BACE2: variants seen among roughly 807,000 people sequenced by gnomAD.
BACE2 encodes the protein beta-secretase 2.
Under a neutral mutation model 46.2 loss-of-function variants are expected in BACE2, and 17 were observed. The observed-to-expected ratio is 0.37, with a 90% confidence interval of 0.25 to 0.55. The LOEUF is 0.55. BACE2 is among the 20% of genes least tolerant of loss of function. The pLI is 0.82. For missense variants in BACE2, 595 were observed against 698.1 expected, an observed-to-expected ratio of 0.85 and a Z score of 1.66; for synonymous variants, 277 against 295.9, an observed-to-expected ratio of 0.94 and a Z score of 0.66.
chr21:41,233,632 G>T (rs1302020018), intron 2 of BACE2, among the ~76,000 whole-genome samples: 2 of 152,226 alleles, frequency 1.3e-5, no homozygotes, highest in African/African-American at 2.4e-5. Context: ...TCAAAAGGAA[G>T]TCATAGCATT....
chr21:41,240,941 G>A (rs1987269518), intron 3 of BACE2, among the ~76,000 whole-genome samples: 1 of 152,190 alleles, frequency 6.6e-6, no homozygotes. Flanking sequence ...GCACCCAGGG[G>A]ATGCCTATAG....
intron 1 of BACE2, among the ~76,000 whole-genome samples, chr21:41,206,988 A>G (rs201733492): frequency 1.3e-5 from 2 of 152,350 alleles, no homozygotes; most frequent in South Asian, 2.1e-4. Flanking sequence ...GGTAAAGTTA[A>G]CGATGTTCTT....
intron 1 of BACE2, among the ~76,000 whole-genome samples, chr21:41,206,237 G>C (rs372308878): frequency 7.9e-5 from 12 of 152,210 alleles, no homozygotes; most frequent in African/African-American, 2.9e-4. Flanking sequence ...CAGACTGCCT[G>C]CTCTTCATTG....
chr21:41,250,507 A>C (rs1214943245), intron 6 of BACE2, among the ~76,000 whole-genome samples: 1 of 152,242 alleles, frequency 6.6e-6, no homozygotes, highest in Non-Finnish European at 1.5e-5. Flanking sequence ...TTATTGCTGC[A>C]AAGGGCTTAT....
rs375195118 is a variant in BACE2, at chr21:41,245,933, G to C, written c.883-29G>C. 9 of 1,561,176 alleles carry C rather than the reference G, an allele frequency of 5.8e-6. No homozygotes were observed. In the East Asian group the frequency reaches 2.1e-4, roughly 36 times the overall value. On this transcript the variant is annotated intron_variant, in intron 5 of 8. Coordinates refer to ENST00000330333, the MANE Select transcript of BACE2 (RefSeq NM_012105.5). ...GGCGGGGAGCGCCACTGTCACTCAC[G>C]CACCTTTCCCTTTCTCTCCCGGTTC...
chr21:41,252,156 C>T (rs998284506), intron 7 of BACE2, among the ~76,000 whole-genome samples: 1 of 152,180 alleles, frequency 6.6e-6, no homozygotes, highest in Non-Finnish European at 1.5e-5. Flanking sequence ...GTAAGCAGTG[C>T]GTCCCCATGA....
At chr21:41,272,702 A>G (rs1419298902) in intron 8 of BACE2, among the ~76,000 whole-genome samples, 2 of 152,164 alleles carry the variant, frequency 1.3e-5, no homozygotes, top group Non-Finnish European at 2.9e-5. Context: ...CATCCTGAGT[A>G]GAATACAGTT....
chr21:41,275,498 C>A lies in BACE2; in HGVS notation c.1431C>A (p.Ser477Arg). ...ILWIVSYALM[S>R]VCGAILLVLI... ...GGATTGTGTCCTATGCGCTCATGAGCGTCTGTGGAGCCATCCTCCTTGTCT... is the reference window on the plus strand; with the variant it reads ...GGATTGTGTCCTATGCGCTCATGAGAGTCTGTGGAGCCATCCTCCTTGTCT... The change falls in exon 9 of 9, where the codon AGC becomes AGA. Residue 477 changes from serine (S) to arginine (R), a missense_variant. Physicochemically the swap from Ser to Arg is moderately radical, Grantham distance 110. This residue lies in a region of BACE2 where 343 missense variants were observed against 419.4 expected (regional missense o/e 0.82). Coordinates refer to ENST00000330333, the MANE Select transcript of BACE2 (RefSeq NM_012105.5). 1 of 1,614,072 alleles carries A rather than the reference C, an allele frequency of 6.2e-7. No individual in the cohort carries two copies. The highest frequency in any genetic ancestry group is 8.5e-7 in the Non-Finnish European group (1 of 1,180,006).
In BACE2 at chr21:41,275,374, T is replaced by C. The variant is rs1300069649; in HGVS notation, c.1307T>C (p.Ile436Thr). Residue 436 changes from isoleucine (I) to threonine (T), a missense_variant, in exon 9 of 9, where the codon ATT (isoleucine) becomes ACT (threonine). Ile to Thr is a moderately conservative substitution (Grantham distance 89). Coordinates refer to ENST00000330333, the MANE Select transcript of BACE2 (RefSeq NM_012105.5). ...VGFAASPCAE[I>T]AGAAVSEISG... ...TTTTCCCTTTCTGTCTCCCCAGAAATTGCAGGTGCTGCAGTGTCTGAAATT... is the reference window on the plus strand; with the variant it reads ...TTTTCCCTTTCTGTCTCCCCAGAAACTGCAGGTGCTGCAGTGTCTGAAATT... 4 of 1,614,092 alleles carry C rather than the reference T, an allele frequency of 2.5e-6. No homozygotes were observed. Among genetic ancestry groups the C allele is most frequent in the Non-Finnish European group, 1.7e-6 (2 of 1,180,006 alleles).
At chr21:41,239,778 G>T (rs1338075893) in intron 3 of BACE2, among the ~76,000 whole-genome samples, 2 of 152,208 alleles carry the variant, frequency 1.3e-5, no homozygotes, top group African/African-American at 2.4e-5. Context: ...GCCAGGGCTG[G>T]CTCATGAACC....
At chr21:41,217,420 T>C (rs1290743377) in intron 1 of BACE2, among the ~76,000 whole-genome samples, 1 of 152,204 alleles carries the variant, frequency 6.6e-6, no homozygotes, top group Non-Finnish European at 1.5e-5. Context: ...CTGTCTCTCC[T>C]TTACCTCTTT....
intron 1 of BACE2, among the ~76,000 whole-genome samples, chr21:41,190,755 C>T (rs1018752994): frequency 6.6e-6 from 1 of 152,094 alleles, no homozygotes; most frequent in African/African-American, 2.4e-5. Context: ...TAAGAGATGC[C>T]CTAATGGATC....
At chr21:41,222,499 T>A (rs73902959) in intron 1 of BACE2, among the ~76,000 whole-genome samples, 3,001 of 152,312 alleles carry the variant, frequency 0.02, 85 homozygotes, top group African/African-American at 0.068. Flanking sequence ...CCCTGGGGGA[T>A]GTCTGGGGCT....
chr21:41,171,825 C>G (rs1984620685), intron 1 of BACE2, among the ~76,000 whole-genome samples: 1 of 152,188 alleles, frequency 6.6e-6, no homozygotes, highest in African/African-American at 2.4e-5. Context: ...ATAGGTAAAG[C>G]AGACAGCAAA....
intron 3 of BACE2, among the ~76,000 whole-genome samples, chr21:41,238,185 C>T (rs1013758129): frequency 1.3e-5 from 2 of 152,156 alleles, no homozygotes. Flanking sequence ...CTGCAGGGGA[C>T]ACCTCCGAGG....
chr21:41,250,881 C>T lies in BACE2; in HGVS notation c.1114C>T (p.Arg372Cys), dbSNP rs139556900. The T allele has an allele frequency of 4.5e-5, 72 of 1,614,086 alleles. No homozygotes were observed. The highest frequency in any genetic ancestry group is 2.7e-4 in the East Asian group (12 of 44,888). Residue 372 changes from arginine (R) to cysteine (C), a missense_variant, in exon 7 of 9, where the codon CGT (arginine) becomes TGT (cysteine). Physicochemically the swap from Arg to Cys is radical, Grantham distance 180. Transcript: ENST00000330333. ...LRDENSSRSF[R>C]ITILPQLYIQ... is the part of the protein sequence containing the mutation. The stretch of plus-strand genomic sequence containing the variant: ...AGACGAGAACTCCAGCAGGTCATTC[C>T]GTATCACAATCCTGCCTCAGGTATG...
intron 1 of BACE2, 141 bp downstream of exon 1, chr21:41,168,716 T>G: frequency 2.4e-4 from 78 of 330,958 alleles, no homozygotes; most frequent in Middle Eastern, 9.8e-4. Context: ...GCAGAGGGGC[T>G]CGGGTGGGCC....
At chr21:41,216,701 G>A (rs897991603) in intron 1 of BACE2, among the ~76,000 whole-genome samples, 3 of 152,212 alleles carry the variant, frequency 2.0e-5, no homozygotes, top group Non-Finnish European at 2.9e-5. Flanking sequence ...CTGTCACTGG[G>A]GCTGCTGTGT....
At chr21:41,243,271 C>A in intron 4 of BACE2, 105 bp from the exon 5 acceptor site, 1 of 921,636 alleles carries the variant, frequency 1.1e-6, no homozygotes, top group Non-Finnish European at 1.5e-6. Context: ...AGTAGAAGCC[C>A]TGATTGCAGT....
Sources: allele counts gnomAD v4.1 joint callset (sites outside exome capture counted in the v4.1 genomes callset), GRCh38; gene constraint gnomAD v4.1.1; regional missense constraint gnomAD v4.1.1; transcripts MANE v1.5; gene names NCBI Gene and HGNC (gene_info 2026-07-23, HGNC 2026-07-21).